The following ITPKB variants were observed in gnomAD, a reference collection of about 807,000 sequenced individuals.
The protein encoded by ITPKB is IP3 3-kinase B.
A neutral mutation model predicts 69.4 loss-of-function variants in ITPKB; 13 were observed. The observed-to-expected ratio is 0.19, with a 90% CI of 0.12 to 0.30. The LOEUF is 0.30. Ranked by LOEUF, ITPKB falls within the 10% of genes least tolerant of loss-of-function variation. ITPKB has a pLI of 1.00. For missense variants in ITPKB, 1,240 were observed against 1,250.5 expected (o/e 0.99, Z 0.13); for synonymous variants, 584 against 513.7 (o/e 1.14, Z -1.85).
intron 2 of ITPKB, among the ~76,000 whole-genome samples, chr1:226,711,565 C>T (rs1011676317): frequency 1.3e-5 from 2 of 152,010 alleles, no homozygotes; most frequent in African/African-American, 2.4e-5. Context: ...CAATGGGGAT[C>T]GTCCGACCGA....
rs1558092918 is a variant in ITPKB, at chr1:226,711,422, AGAGAGAGAGAGAGAGAGAGAGTGTGT to A, written c.1932+24079_1932+24104del. 2.5e-5 allele frequency among the ~76,000 whole-genome samples: 3 copies of A among 120,442 alleles called. No homozygotes were observed. In the South Asian group the frequency reaches 8.6e-4, roughly 34 times the overall value. 79.0% of individuals were successfully genotyped at this position (120,442 alleles called of 152,430 possible). On this transcript the variant is annotated intron_variant, in intron 2 of 7. Transcript: ENST00000429204. Reference sequence around the variant, plus strand: ...TGTTTTGAAAGAGAGAGAGAGAGAGAGAGAGAGAGAGAGAGAGAGAGTGTGTGTGTGTGTGTGTGTGTGTGTTGTGT... The same window carrying A: ...TGTTTTGAAAGAGAGAGAGAGAGAGAGTGTGTGTGTGTGTGTGTGTTGTGT...
At chr1:226,683,089 G>A (rs1332970946) in intron 2 of ITPKB, among the ~76,000 whole-genome samples, 1 of 152,130 alleles carries the variant, frequency 6.6e-6, no homozygotes, top group Non-Finnish European at 1.5e-5. Flanking sequence ...GCCCTAGAGG[G>A]GCAGCCAGCA....
intron 2 of ITPKB, among the ~76,000 whole-genome samples, chr1:226,660,090 G>A (rs376581867): frequency 6.6e-6 from 1 of 152,178 alleles, no homozygotes; most frequent in African/African-American, 2.4e-5. Flanking sequence ...TTCTCTCCAG[G>A]ACCCCACGGC....
At position 226,736,152 on chromosome 1, in the gene ITPKB, C is replaced by G. The variant is rs1427293784; in HGVS notation, c.1307G>C (p.Arg436Pro). The change falls in exon 2 of 8, where the codon CGT becomes CCT. Residue 436 changes from arginine to proline, a missense_variant. Physicochemically the swap from Arg to Pro is moderately radical, Grantham distance 103 (BLOSUM62 -2). Coordinates refer to ENST00000429204, the MANE Select transcript of ITPKB (RefSeq NM_002221.4). ...CTCCACTCTGTCGGAGAGCTGCCAA[C>G]GCCCCCCGCCCACGGGGGCCCCACT... ...ARSGAPVGGG[R>P]WQLSDRVEGG... 1.3e-6 allele frequency: 2 copies of G among 1,561,270 alleles called. No individual in the cohort carries two copies. The highest frequency in any genetic ancestry group is 1.7e-6 in the Non-Finnish European group (2 of 1,153,348).
At chr1:226,709,130 C>T (rs1656881158) in intron 2 of ITPKB, among the ~76,000 whole-genome samples, 2 of 152,230 alleles carry the variant, frequency 1.3e-5, no homozygotes, top group African/African-American at 2.4e-5. Context: ...CTGGATTCAC[C>T]CATTTCACAA....
At position 226,736,266 on chromosome 1, in the gene ITPKB, A is replaced by G. The variant is rs1446875550; in HGVS notation, c.1193T>C (p.Val398Ala). 1.3e-6 allele frequency: 2 copies of G among 1,577,522 alleles called. No homozygotes were observed. The highest frequency in any genetic ancestry group is 2.4e-5 in the South Asian group (2 of 84,970). ...EVGKRPEETT[V>A]SVQSAESSDS... Reference sequence around the variant, plus strand: ...AGAGGACTCTGCGCTTTGCACGCTCACAGTCGTCTCCTCTGGCCTTTTGCC... The same window carrying G: ...AGAGGACTCTGCGCTTTGCACGCTCGCAGTCGTCTCCTCTGGCCTTTTGCC... Residue 398 changes from valine to alanine, a missense_variant, in exon 2 of 8, where the codon GTG becomes GCG. By Grantham distance (64) the Val-to-Ala change is moderately conservative (BLOSUM62 0). This residue lies in a region of ITPKB where 992 missense variants were observed against 853.8 expected (regional missense o/e 1.16). Transcript: ENST00000429204.
At chr1:226,677,514 C>A (rs994942434) in intron 2 of ITPKB, among the ~76,000 whole-genome samples, 1 of 152,228 alleles carries the variant, frequency 6.6e-6, no homozygotes, top group Non-Finnish European at 1.5e-5. Flanking sequence ...ACAAGCCCAG[C>A]CCCAGGATCA....
chr1:226,650,592 G>A (rs1004016097), intron 2 of ITPKB, among the ~76,000 whole-genome samples: 1 of 152,240 alleles, frequency 6.6e-6, no homozygotes, highest in Non-Finnish European at 1.5e-5. Context: ...TCGTGGGGAC[G>A]CCCCTGCTCA....
chr1:226,722,186 C>T (rs1477364731), intron 2 of ITPKB, among the ~76,000 whole-genome samples: 1 of 152,192 alleles, frequency 6.6e-6, no homozygotes, highest in Non-Finnish European at 1.5e-5. Context: ...AGAGGCCAGG[C>T]TCAAGGTTCC....
chr1:226,680,198 C>A (rs1656045972), intron 2 of ITPKB, among the ~76,000 whole-genome samples: 1 of 152,116 alleles, frequency 6.6e-6, no homozygotes, highest in Non-Finnish European at 1.5e-5. Flanking sequence ...CCCGCGACCA[C>A]GTGAGCACGG....
At chr1:226,711,371 C>T (rs1395585786) in intron 2 of ITPKB, among the ~76,000 whole-genome samples, 2 of 150,840 alleles carry the variant, frequency 1.3e-5, no homozygotes, top group Non-Finnish European at 2.9e-5. Context: ...TAACCAGATG[C>T]AGTACCTGCC....
At chr1:226,664,454 C>T (rs1288938) in intron 2 of ITPKB, among the ~76,000 whole-genome samples, 19,124 of 152,170 alleles carry the variant, frequency 0.13, 1,295 homozygotes, top group East Asian at 0.16. Context: ...GGGCAGTACA[C>T]GTATCGTGGT....
chr1:226,645,579 T>A (rs1669044301), intron 4 of ITPKB, among the ~76,000 whole-genome samples: 1 of 152,184 alleles, frequency 6.6e-6, no homozygotes, highest in African/African-American at 2.4e-5. Context: ...CAGGTCTGAG[T>A]GGACACCACT....
At position 226,717,539 on chromosome 1, in the gene ITPKB, G is replaced by A. The variant is rs708768; in HGVS notation, c.1932+17988C>T. 1.0e-2 allele frequency among the ~76,000 whole-genome samples: 1,516 copies of A among 152,056 alleles called. 55 individuals carry two copies. Among genetic ancestry groups the A allele is most frequent in the South Asian group, 0.063 (300 of 4,796 alleles). The stretch of plus-strand genomic sequence containing the variant: ...GGTCCTCAGCCACCATCTCGGAGGC[G>A]CCCAGAGGGAGGTGGCAAGGAGACA... On this transcript the variant is annotated intron_variant, in intron 2 of 7. Coordinates refer to ENST00000429204, the MANE Select transcript of ITPKB (RefSeq NM_002221.4).
Position 226,738,557 on chromosome 1 carries a change from C to T in ITPKB, c.-206+484G>A, listed in dbSNP as rs1187371695. 2.6e-5 allele frequency among the ~76,000 whole-genome samples: 4 copies of T among 152,228 alleles called. No individual in the cohort carries two copies. Among genetic ancestry groups the T allele is most frequent in the Non-Finnish European group, 4.4e-5 (3 of 68,026 alleles). ...CCCTGTTGCCGAGGACGCGACTGCCCCTGCGGGCTCCCGGACCCGCGCCCA... is the reference window on the plus strand; with the variant it reads ...CCCTGTTGCCGAGGACGCGACTGCCTCTGCGGGCTCCCGGACCCGCGCCCA... On this transcript the variant is annotated intron_variant, in intron 1 of 7. Transcript: ENST00000429204. The surrounding 1 kb of genome is among the most constrained non-coding windows in gnomAD (Gnocchi z 4.2).
chr1:226,660,883 C>G (rs536054104), intron 2 of ITPKB, among the ~76,000 whole-genome samples: 1 of 152,354 alleles, frequency 6.6e-6, no homozygotes. Flanking sequence ...GGGCTCTGCC[C>G]AGCTGGTTAA....
At chr1:226,717,280 A>T (rs1657119216) in intron 2 of ITPKB, among the ~76,000 whole-genome samples, 1 of 152,200 alleles carries the variant, frequency 6.6e-6, no homozygotes, top group African/African-American at 2.4e-5. Context: ...GTGCAAGGTG[A>T]AATCTAGTGC....
intron 2 of ITPKB, among the ~76,000 whole-genome samples, chr1:226,673,959 T>G (rs1379113145): frequency 6.6e-6 from 1 of 152,110 alleles, no homozygotes; most frequent in African/African-American, 2.4e-5. Flanking sequence ...CCCCATGACT[T>G]TCATGGCATG....
chr1:226,659,823 G>A (rs1199696104), intron 2 of ITPKB, among the ~76,000 whole-genome samples: 1 of 152,112 alleles, frequency 6.6e-6, no homozygotes, highest in Non-Finnish European at 1.5e-5. Context: ...CTGGGGAACT[G>A]GGGATCTGTC....
Sources: allele counts gnomAD v4.1 joint callset (sites outside exome capture counted in the v4.1 genomes callset), GRCh38; gene constraint gnomAD v4.1.1; regional missense constraint gnomAD v4.1.1; non-coding constraint Gnocchi (gnomAD v3.1); transcripts MANE v1.5; gene names NCBI Gene and HGNC (gene_info 2026-07-23, HGNC 2026-07-21).